Variants in DNAJC24 observed in about 807,000 individuals in gnomAD.
DNAJC24 encodes DnaJ heat shock protein family (Hsp40) member C24.
DNAJC24 carries 17 observed loss-of-function variants against 18.0 expected under a neutral mutation model. The ratio of observed to expected loss-of-function variants is 0.94; its 90% confidence interval spans 0.65 to 1.42. The LOEUF (loss-of-function observed/expected upper bound fraction) is 1.42. Ranked by LOEUF, DNAJC24 falls within the 40% of genes most tolerant of loss-of-function variation. The pLI is 0.00. For synonymous variants in DNAJC24, 55 were observed against 57.7 expected, an observed-to-expected ratio of 0.95 and a Z score of 0.21; for missense variants, 158 against 175.6, an observed-to-expected ratio of 0.90 and a Z score of 0.57.
At chr11:31,377,011 C>T (rs2133467485) in intron 2 of DNAJC24, among the ~76,000 whole-genome samples, 1 of 152,096 alleles carries the variant, frequency 6.6e-6, no homozygotes, top group South Asian at 2.1e-4. Context: ...TTTTAAAGTT[C>T]GTATTCTTGT....
At chr11:31,375,265 C>T (rs1182296589) in intron 2 of DNAJC24, among the ~76,000 whole-genome samples, 4 of 135,512 alleles carry the variant, frequency 3.0e-5, no homozygotes, top group African/African-American at 7.4e-5. Flanking sequence ...TATGCCTTTG[C>T]ACTTGCACTC....
At chr11:31,380,916 A>G (rs946513288) in intron 2 of DNAJC24, among the ~76,000 whole-genome samples, 1 of 152,130 alleles carries the variant, frequency 6.6e-6, no homozygotes, top group Non-Finnish European at 1.5e-5. Context: ...AATGAACCAT[A>G]TTAGTAAAGA....
In DNAJC24 at chr11:31,432,075, G is replaced by A. The variant is rs1263734559; in HGVS notation, c.*1674G>A. Among the ~76,000 whole-genome samples, 1 of 152,168 alleles carries A rather than the reference G, an allele frequency of 6.6e-6. No individual in the cohort carries two copies. Among genetic ancestry groups the A allele is most frequent in the Non-Finnish European group, 1.5e-5 (1 of 68,038 alleles). ...TTACTTAATTTCAAATGAGTGGGCT[G>A]AGCATGTAGACTAGCAGCTTTTTAT... On this transcript the variant is annotated 3_prime_UTR_variant, in exon 5 of 5. Transcript: ENST00000465995.
chr11:31,415,107 C>A, intron 3 of DNAJC24, 158 bp downstream of exon 3: 1 of 755,232 alleles, frequency 1.3e-6, no homozygotes, highest in Non-Finnish European at 2.0e-6. Flanking sequence ...CTATTCTTAG[C>A]AGTGACTATT....
At chr11:31,374,154 G>A in intron 2 of DNAJC24, 1 of 385,636 alleles carries the variant, frequency 2.6e-6, no homozygotes, top group Non-Finnish European at 5.4e-6. Context: ...TTAAGAGCAG[G>A]TATCCTTGCC....
chr11:31,389,958 C>T (rs574144635), intron 2 of DNAJC24, among the ~76,000 whole-genome samples: 3 of 152,104 alleles, frequency 2.0e-5, no homozygotes, highest in African/African-American at 4.8e-5. Flanking sequence ...TTTCTTGAAA[C>T]AAATGTTAAA....
At chr11:31,418,862 G>A (rs1047254583) in intron 3 of DNAJC24, among the ~76,000 whole-genome samples, 1 of 151,980 alleles carries the variant, frequency 6.6e-6, no homozygotes, top group Non-Finnish European at 1.5e-5. Flanking sequence ...AAATATTTGG[G>A]AAGATAAGCA....
At chr11:31,393,450 T>G (rs1952517391) in intron 2 of DNAJC24, among the ~76,000 whole-genome samples, 1 of 152,218 alleles carries the variant, frequency 6.6e-6, no homozygotes, top group African/African-American at 2.4e-5. Flanking sequence ...ATCACTGTTG[T>G]AATGGTGTTA....
At chr11:31,398,752 C>T (rs929267403) in intron 2 of DNAJC24, among the ~76,000 whole-genome samples, 1 of 152,198 alleles carries the variant, frequency 6.6e-6, no homozygotes, top group Non-Finnish European at 1.5e-5. Flanking sequence ...ACAGAACACA[C>T]TACTTAATTA....
In DNAJC24 at chr11:31,395,010, T is replaced by C. The variant is rs561541231; in HGVS notation, c.112-19801T>C. ...AGCATAGTACCCCCAATTGGTAATTTGTTGATCCTCACCCTCTTCCCACCC... is the reference window on the plus strand; with the variant it reads ...AGCATAGTACCCCCAATTGGTAATTCGTTGATCCTCACCCTCTTCCCACCC... On this transcript the variant is annotated intron_variant, in intron 2 of 4. Transcript: ENST00000465995. 2.1e-3 allele frequency among the ~76,000 whole-genome samples: 315 copies of C among 152,322 alleles called. 2 individuals are homozygous for C. Among genetic ancestry groups the C allele is most frequent in the African/African-American group, 7.1e-3 (297 of 41,566 alleles).
At chr11:31,389,273 CT>C (rs1952463168) in intron 2 of DNAJC24, among the ~76,000 whole-genome samples, 1 of 151,996 alleles carries the variant, frequency 6.6e-6, no homozygotes, top group East Asian at 1.9e-4. Flanking sequence ...CCCACTTCAC[CT>C]ATAGAGAAAC....
chr11:31,378,556 A>G (rs1444831780), intron 2 of DNAJC24, among the ~76,000 whole-genome samples: 1 of 152,206 alleles, frequency 6.6e-6, no homozygotes, highest in Non-Finnish European at 1.5e-5. Flanking sequence ...CTCAGAGATT[A>G]AGTAACATAC....
rs2133513347 is a variant in DNAJC24, at chr11:31,432,146, T to C, written c.*1745T>C. Among the ~76,000 whole-genome samples the C allele has an allele frequency of 6.6e-6, 1 of 152,338 alleles. No homozygotes were observed. The highest frequency in any genetic ancestry group is 1.9e-4 in the East Asian group (1 of 5,186). Reference sequence around the variant, plus strand: ...TGAACTTATAAATACGAATAGTTACTACTCTGACTTGTAAATGTAGCTGCT... The same window carrying C: ...TGAACTTATAAATACGAATAGTTACCACTCTGACTTGTAAATGTAGCTGCT... On this transcript the variant is annotated 3_prime_UTR_variant, in exon 5 of 5. Coordinates refer to ENST00000465995, the MANE Select transcript of DNAJC24 (RefSeq NM_181706.5).
At position 31,397,145 on chromosome 11, in the gene DNAJC24, C is replaced by T. The variant is rs374130367; in HGVS notation, c.112-17666C>T. 3.9e-5 allele frequency among the ~76,000 whole-genome samples: 6 copies of T among 152,278 alleles called. 1 individual carries two copies. In the East Asian group the frequency reaches 1.2e-3, roughly 29 times the overall value. ...TGCATTATAATAAATTGTTGGCATG[C>T]CTACTCTTTACCACTAGACTGTGAG... is the stretch of plus-strand genomic sequence containing the variant. On this transcript the variant is annotated intron_variant, in intron 2 of 4. Transcript: ENST00000465995.
At chr11:31,395,532 A>T in intron 2 of DNAJC24, among the ~76,000 whole-genome samples, 1 of 152,078 alleles carries the variant, frequency 6.6e-6, no homozygotes, top group Admixed American at 6.6e-5. Context: ...AGCATCCATT[A>T]TTTTTTTACC....
chr11:31,413,309 TA>T (rs1274331917), intron 2 of DNAJC24, among the ~76,000 whole-genome samples: 1 of 151,780 alleles, frequency 6.6e-6, no homozygotes, highest in Admixed American at 6.6e-5. Context: ...TCAAAGTAAT[TA>T]TTGGATAAAT....
intron 2 of DNAJC24, among the ~76,000 whole-genome samples, chr11:31,413,483 A>G (rs1952727865): frequency 6.6e-6 from 1 of 151,670 alleles, no homozygotes; most frequent in South Asian, 2.1e-4. Flanking sequence ...GGCGCCCACC[A>G]CCACACCTGG....
At chr11:31,404,902 A>C (rs899464391) in intron 2 of DNAJC24, among the ~76,000 whole-genome samples, 4 of 151,748 alleles carry the variant, frequency 2.6e-5, no homozygotes, top group Admixed American at 2.0e-4. Flanking sequence ...CAAAAAAAAA[A>C]CCAAAACACA....
intron 2 of DNAJC24, among the ~76,000 whole-genome samples, chr11:31,409,718 C>T (rs1188467842): frequency 6.6e-6 from 1 of 152,030 alleles, no homozygotes; most frequent in African/African-American, 2.4e-5. Context: ...ATCTATTCTT[C>T]TATGAATCTT....
Sources: allele counts gnomAD v4.1 joint callset (sites outside exome capture counted in the v4.1 genomes callset), GRCh38; gene constraint gnomAD v4.1.1; transcripts MANE v1.5; gene names NCBI Gene and HGNC (gene_info 2026-07-23, HGNC 2026-07-21).